Variants in ANKHD1 observed in about 807,000 individuals in gnomAD.
ANKHD1 encodes the protein ankyrin repeat and KH domain-containing protein 1.
Under a neutral mutation model 230.5 loss-of-function variants are expected in ANKHD1, and 31 were observed. The ratio of observed to expected loss-of-function variants is 0.13; its 90% CI spans 0.10 to 0.18. The LOEUF is 0.18. Among genes scored for constraint, ANKHD1 ranks in the 10% least tolerant of loss-of-function variants. ANKHD1 has a pLI of 1.00. For synonymous variants in ANKHD1, 1,074 were observed against 1,117.6 expected (o/e 0.96, Z 0.78); for missense variants, 2,256 against 3,071.3 (o/e 0.73, Z 6.27).
chr5:140,409,475 A>G (rs1770747321), intron 1 of ANKHD1, among the ~76,000 whole-genome samples: 1 of 152,114 alleles, frequency 6.6e-6, no homozygotes, highest in Non-Finnish European at 1.5e-5. Flanking sequence ...ATAACTTTGT[A>G]TTCTAGTGGG....
rs1327231948 is a variant in ANKHD1, at chr5:140,507,989, T to C, written c.3756T>C (p.His1252=). 2.5e-6 allele frequency: 4 copies of C among 1,613,510 alleles called. No individual in the cohort carries two copies. The African/African-American group carries it at 4.0e-5, about 16-fold the overall frequency. Residue 1252 remains histidine, a synonymous_variant, in exon 20 of 34, where the codon CAT becomes CAC. Transcript: ENST00000360839. This position sits in a 1 kb window ranked among gnomAD's most constrained non-coding sequence, Gnocchi z 4.1. ...TGGACCGAAAAGCCAATGTTGAACA[T>C]AGGGCAAAGGTAAGCATTTTTTACT... ...LLLDRKANVE[H]RAKTGLTPLM... is the part of the protein sequence containing the mutation.
At chr5:140,471,258 T>C (rs951077474) in intron 10 of ANKHD1, among the ~76,000 whole-genome samples, 33 of 152,372 alleles carry the variant, frequency 2.2e-4, no homozygotes, top group Middle Eastern at 3.4e-3. Flanking sequence ...GTTCAGCTAT[T>C]TAAGTAAAGA....
At position 140,442,416 on chromosome 5, in the gene ANKHD1, C is replaced by T. The variant is rs142416894; in HGVS notation, c.913+1274C>T. Among the ~76,000 whole-genome samples the T allele has an allele frequency of 2.0e-5, 3 of 152,056 alleles. No individual in the cohort carries two copies. The East Asian group carries it at 5.8e-4, about 29-fold the overall frequency. On this transcript the variant is annotated intron_variant, in intron 5 of 33. Coordinates refer to ENST00000360839, the MANE Select transcript of ANKHD1 (RefSeq NM_017747.3). Reference sequence around the variant, plus strand: ...ACAATTGGAAGACAATTTTTCCACACGTGGGGGAGGGAGGAGGGGATGTTT... The same window carrying T: ...ACAATTGGAAGACAATTTTTCCACATGTGGGGGAGGGAGGAGGGGATGTTT...
At chr5:140,538,326 A>C in intron 32 of ANKHD1, 65 bp downstream of exon 32, 1 of 1,572,944 alleles carries the variant, frequency 6.4e-7, no homozygotes, top group East Asian at 2.2e-5. Flanking sequence ...CACATTAAGG[A>C]ATACCTTGTA....
chr5:140,414,254 T>C (rs1771173561), intron 1 of ANKHD1, among the ~76,000 whole-genome samples: 1 of 152,218 alleles, frequency 6.6e-6, no homozygotes, highest in African/African-American at 2.4e-5. Context: ...TTTTTAATTT[T>C]TTGAGGAACT....
Position 140,458,665 on chromosome 5 carries a change from G to A in ANKHD1, c.1283G>A (p.Gly428Asp). Residue 428 changes from glycine (G) to aspartate (D), a missense_variant, in exon 8 of 34, where the codon GGT becomes GAT. By Grantham distance (94) the Gly-to-Asp change is moderately conservative. Coordinates refer to ENST00000360839, the MANE Select transcript of ANKHD1 (RefSeq NM_017747.3). ...VEVARLLLDSGAQVNMPADSF... is the reference protein window; with the variant it reads ...VEVARLLLDSDAQVNMPADSF... ...GTGGCACGTTTGCTTTTGGATAGTG[G>A]TGCTCAAGTGAACATGCCTGCAGAT... The A allele has an allele frequency of 1.2e-6, 2 of 1,610,460 alleles. No homozygotes were observed. The highest frequency in any genetic ancestry group is 1.7e-6 in the Non-Finnish European group (2 of 1,177,952).
chr5:140,450,633 G>A (rs764550831), intron 7 of ANKHD1, among the ~76,000 whole-genome samples: 2 of 152,038 alleles, frequency 1.3e-5, no homozygotes, highest in Admixed American at 6.6e-5. Flanking sequence ...TGTACCTCCT[G>A]TACTCAAGCA....
chr5:140,507,931 T>A lies in ANKHD1; in HGVS notation c.3698T>A (p.Phe1233Tyr). ...AACACGGCTCTCACCCTGGCCTGTT[T>A]CCAGGGCCGAGCAGAAGTAGTGAGT... is the stretch of plus-strand genomic sequence containing the variant. ...NRNTALTLAC[F>Y]QGRAEVVSLL... is the part of the protein sequence containing the mutation. Residue 1233 changes from phenylalanine to tyrosine, a missense_variant, in exon 20 of 34, where the codon TTC becomes TAC. Phe to Tyr is a conservative substitution (Grantham distance 22). Around this residue, in one of 13 missense-constraint regions of ANKHD1, gnomAD observed 195 missense variants for 340.3 expected, o/e 0.57. Coordinates refer to ENST00000360839, the MANE Select transcript of ANKHD1 (RefSeq NM_017747.3). The surrounding 1 kb of genome is among the most constrained non-coding windows in gnomAD (Gnocchi z 4.1). 1 of 1,614,012 alleles carries A rather than the reference T, an allele frequency of 6.2e-7. No homozygotes were observed. The highest frequency in any genetic ancestry group is 8.5e-7 in the Non-Finnish European group (1 of 1,179,940).
chr5:140,458,574 C>A, intron 7 of ANKHD1, 51 bp from the exon 8 acceptor site: 2 of 1,554,078 alleles, frequency 1.3e-6, no homozygotes, highest in Non-Finnish European at 8.7e-7. Flanking sequence ...TTAAAAAAAT[C>A]TCAAAACAAA....
chr5:140,440,988 T>G lies in ANKHD1; in HGVS notation c.766-7T>G, dbSNP rs768775888. 6.3e-7 allele frequency: 1 copy of G among 1,593,662 alleles called. No individual in the cohort carries two copies. The highest frequency in any genetic ancestry group is 1.1e-5 in the South Asian group (1 of 87,494). On this transcript the variant is annotated splice_region_variant and splice_polypyrimidine_tract_variant and intron_variant, in intron 4 of 33. Coordinates refer to ENST00000360839, the MANE Select transcript of ANKHD1 (RefSeq NM_017747.3). ...ACAATTTCTCTGTCTGTATATGTGT[T>G]TTAAAGGTATTGCTTGCTATGCATG... is the stretch of plus-strand genomic sequence containing the variant.
At chr5:140,515,669 C>T (rs1752968965) in intron 24 of ANKHD1, among the ~76,000 whole-genome samples, 1 of 152,174 alleles carries the variant, frequency 6.6e-6, no homozygotes, top group Admixed American at 6.5e-5. Flanking sequence ...CTGGGGGGCA[C>T]CCCCCAGCAG....
chr5:140,436,184 T>C lies in ANKHD1; in HGVS notation c.387T>C (p.Thr129=). ...CATCAGAGATATTCTTATCAAGTAC[T>C]GCAGAAGGAGCAGACTTACGCACTG... is the stretch of plus-strand genomic sequence containing the variant. The part of the protein sequence containing the change: ...KTTSEIFLSS[T]AEGADLRTVD... Residue 129 remains threonine, a synonymous_variant, in exon 2 of 34, where the codon ACT becomes ACC. Coordinates refer to ENST00000360839, the MANE Select transcript of ANKHD1 (RefSeq NM_017747.3). 6 of 1,611,200 alleles carry C rather than the reference T, an allele frequency of 3.7e-6. No individual in the cohort carries two copies. The highest frequency in any genetic ancestry group is 4.2e-6 in the Non-Finnish European group (5 of 1,178,688).
At chr5:140,462,968 T>G (rs1248740612) in intron 9 of ANKHD1, among the ~76,000 whole-genome samples, 1 of 151,778 alleles carries the variant, frequency 6.6e-6, no homozygotes, top group African/African-American at 2.4e-5. Context: ...GCCTCAGCCT[T>G]CCAAGTAGCT....
intron 24 of ANKHD1, among the ~76,000 whole-genome samples, chr5:140,521,995 A>G (rs953403820): frequency 2.0e-5 from 3 of 152,216 alleles, no homozygotes; most frequent in Non-Finnish European, 4.4e-5. Flanking sequence ...AAATAAATAA[A>G]GTTACGTAAT....
intron 29 of ANKHD1, among the ~76,000 whole-genome samples, chr5:140,533,310 AGTGTGGGACC>A (rs1753919398): frequency 6.6e-6 from 1 of 152,052 alleles, no homozygotes; most frequent in Non-Finnish European, 1.5e-5. Context: ...AAGTTAGCTC[AGTGTGGGACC>A]GGGCACGGTG....
In ANKHD1 at chr5:140,485,392, A is replaced by G. The variant is rs1221301321; in HGVS notation, c.1998+144A>G. 8.2e-6 allele frequency: 10 copies of G among 1,226,770 alleles called. No individual in the cohort carries two copies. The highest frequency in any genetic ancestry group is 3.3e-5 in the African/African-American group (2 of 60,718). 76.0% of individuals were successfully genotyped at this position (1,226,770 alleles called of 1,614,324 possible). On this transcript the variant is annotated intron_variant, in intron 12 of 33. Coordinates refer to ENST00000360839, the MANE Select transcript of ANKHD1 (RefSeq NM_017747.3). The surrounding 1 kb of genome is among the most constrained non-coding windows in gnomAD (Gnocchi z 4.8). ...GGCAACATAAGGAGACCCCATCTCT[A>G]TTAAAACACACACACACACACACAC...
Position 140,512,812 on chromosome 5 carries a change from G to A in ANKHD1, c.4105-16G>A. The A allele has an allele frequency of 6.4e-7, 1 of 1,574,478 alleles. No individual in the cohort carries two copies. The highest frequency in any genetic ancestry group is 8.6e-7 in the Non-Finnish European group (1 of 1,164,976). On this transcript the variant is annotated splice_polypyrimidine_tract_variant and intron_variant, in intron 22 of 33. Coordinates refer to ENST00000360839, the MANE Select transcript of ANKHD1 (RefSeq NM_017747.3). ...TTTTCATGCTACCTTGTCTAAGATT[G>A]TTGTACTTCTTATAGGGTCATGTAA...
chr5:140,526,930 T>C lies in ANKHD1; in HGVS notation c.4943T>C (p.Leu1648Pro), dbSNP rs565493709. The C allele has an allele frequency of 2.5e-6, 4 of 1,609,064 alleles. No individual in the cohort carries two copies. In the South Asian group the frequency reaches 4.5e-5, roughly 18 times the overall value. ...ACTTGCTATTTGTCTCTTCTTAGAC[T>C]TGAAGGTGAAGTGACTCCTAATTCC... ...STATSKTQTR[L>P]EGEVTPNSLS... is the part of the protein sequence containing the mutation. Residue 1648 changes from leucine (L) to proline (P), a missense_variant and splice_region_variant, in exon 27 of 34, where the codon CTT (leucine) becomes CCT (proline). Leu to Pro is a moderately conservative substitution (Grantham distance 98, BLOSUM62 -3). Coordinates refer to ENST00000360839, the MANE Select transcript of ANKHD1 (RefSeq NM_017747.3).
In ANKHD1 at chr5:140,496,607, T is replaced by C. The variant is rs1324201128; in HGVS notation, c.2333T>C (p.Ile778Thr). ...SFHPYQPLEC[I>T]VEETEGKLNE... ...CACCCATACCAGCCTTTGGAGTGCA[T>C]AGTAGAGGAGACTGAAGGCAAGCTG... Residue 778 changes from isoleucine (I) to threonine (T), a missense_variant, in exon 15 of 34, where the codon ATA becomes ACA. By Grantham distance (89) the Ile-to-Thr change is moderately conservative. Coordinates refer to ENST00000360839, the MANE Select transcript of ANKHD1 (RefSeq NM_017747.3). 1 of 1,613,390 alleles carries C rather than the reference T, an allele frequency of 6.2e-7. No homozygotes were observed. Among genetic ancestry groups the C allele is most frequent in the South Asian group, 1.1e-5 (1 of 91,052 alleles).
Sources: gnomAD v4.1 joint callset for allele counts (sites outside exome capture counted in the v4.1 genomes callset) on GRCh38, gnomAD v4.1.1 for gene constraint, gnomAD v4.1.1 regional missense constraint, Gnocchi (gnomAD v3.1) non-coding constraint, MANE v1.5 for transcripts, NCBI Gene and HGNC (gene_info 2026-07-23, HGNC 2026-07-21) for gene names.